Variants in C9orf85 observed in about 807,000 individuals in gnomAD.
The protein encoded by C9orf85 is chromosome 9 open reading frame 85.
Under a neutral mutation model 14.9 loss-of-function variants are expected in C9orf85, and 16 were observed. The ratio of observed to expected loss-of-function variants is 1.08; its 90% CI spans 0.73 to 1.63. C9orf85 has a LOEUF of 1.63. Ranked by LOEUF, C9orf85 falls within the 40% of genes most tolerant of loss-of-function variation. The pLI is 0.00. For synonymous variants in C9orf85, 45 were observed against 56.8 expected (o/e 0.79, Z 0.93); for missense variants, 172 against 186.1 (o/e 0.92, Z 0.44).
rs181691900 is a variant in C9orf85 at position 71,951,404 on chromosome 9, A to G, written c.209+4292A>G. On this transcript the variant is annotated intron_variant, in intron 2 of 3. Coordinates refer to ENST00000334731, the MANE Select transcript of C9orf85 (RefSeq NM_182505.5). ...ATGAGATAAATATCTCTGACTACTC[A>G]AAGCTTTAGGTCTTTATAGGAATAA... 1.6e-3 allele frequency among the ~76,000 whole-genome samples: 246 copies of G among 152,332 alleles called. 2 individuals carry two copies. The highest frequency in any genetic ancestry group is 3.4e-3 in the Middle Eastern group (1 of 294).
chr9:71,966,641 C>T (rs1423600951), intron 2 of C9orf85, among the ~76,000 whole-genome samples: 2 of 151,908 alleles, frequency 1.3e-5, no homozygotes, highest in Admixed American at 1.3e-4. Context: ...AACGCAAAGG[C>T]AAGATGGTTA....
chr9:71,933,066 A>G (rs1417483996), intron 1 of C9orf85, among the ~76,000 whole-genome samples: 1 of 152,218 alleles, frequency 6.6e-6, no homozygotes, highest in African/African-American at 2.4e-5. Flanking sequence ...GAAATTGTCA[A>G]GTATGAGAAA....
intron 1 of C9orf85, among the ~76,000 whole-genome samples, chr9:71,912,371 A>G (rs750680414): frequency 6.6e-6 from 1 of 152,182 alleles, no homozygotes; most frequent in Non-Finnish European, 1.5e-5. Context: ...TTTGCTGTTT[A>G]TCTTTAGCAG....
At chr9:71,976,584 C>T (rs1470720405), downstream of C9orf85, among the ~76,000 whole-genome samples, 1 of 151,806 alleles carries the variant, frequency 6.6e-6, no homozygotes, top group Non-Finnish European at 1.5e-5. Context: ...ATGGCATGAA[C>T]CCGGGAGGCG....
At chr9:71,953,304 T>G (rs1033067513) in intron 2 of C9orf85, among the ~76,000 whole-genome samples, 1 of 152,164 alleles carries the variant, frequency 6.6e-6, no homozygotes, top group Admixed American at 6.5e-5. Context: ...AATTCTTTAA[T>G]AAAACGCTTA....
At chr9:71,917,459 G>C (rs1276091641) in intron 1 of C9orf85, among the ~76,000 whole-genome samples, 3 of 152,200 alleles carry the variant, frequency 2.0e-5, no homozygotes, top group Non-Finnish European at 4.4e-5. Context: ...TCAAGTTTAA[G>C]ATTAGTTATG....
chr9:71,968,607 T>G (rs539864417), intron 2 of C9orf85, among the ~76,000 whole-genome samples: 80 of 152,360 alleles, frequency 5.3e-4, no homozygotes, highest in Admixed American at 4.1e-3. Flanking sequence ...CCCATTATTC[T>G]TTGTTTTTTG....
chr9:71,970,389 G>A (rs779888124), intron 2 of C9orf85, among the ~76,000 whole-genome samples: 6 of 152,108 alleles, frequency 3.9e-5, no homozygotes, highest in South Asian at 2.1e-4. Context: ...GGCTGATAAC[G>A]TTCATACAGA....
intron 1 of C9orf85, among the ~76,000 whole-genome samples, chr9:71,933,499 T>G (rs1028400562): frequency 3.9e-5 from 6 of 152,236 alleles, no homozygotes; most frequent in African/African-American, 1.4e-4. Context: ...GCACAATTTG[T>G]TTTTTCTAAG....
intron 2 of C9orf85, among the ~76,000 whole-genome samples, chr9:71,962,847 G>C (rs1471440021): frequency 6.6e-6 from 1 of 152,166 alleles, no homozygotes; most frequent in Admixed American, 6.5e-5. Context: ...CTTGAGGTCA[G>C]GAGTTCGAGA....
At chr9:71,953,214 A>G (rs1391121852) in intron 2 of C9orf85, among the ~76,000 whole-genome samples, 2 of 152,188 alleles carry the variant, frequency 1.3e-5, no homozygotes, top group African/African-American at 2.4e-5. Context: ...CTCTGTACCG[A>G]ATAGATAGAT....
intron 2 of C9orf85, among the ~76,000 whole-genome samples, chr9:71,950,875 AT>A (rs1054105925): frequency 5.2e-4 from 79 of 152,316 alleles, no homozygotes; most frequent in African/African-American, 1.9e-3. Context: ...AAGTAATAAT[AT>A]CCTGGATATT....
chr9:71,954,544 G>C (rs1822335632), intron 2 of C9orf85, among the ~76,000 whole-genome samples: 1 of 152,130 alleles, frequency 6.6e-6, no homozygotes, highest in Non-Finnish European at 1.5e-5. Flanking sequence ...GCTAAACAAG[G>C]GGTGGATTAT....
chr9:71,916,280 T>C (rs1405446098), intron 1 of C9orf85, among the ~76,000 whole-genome samples: 1 of 152,162 alleles, frequency 6.6e-6, no homozygotes, highest in African/African-American at 2.4e-5. Flanking sequence ...GAGGATGCTA[T>C]TAATAATATA....
chr9:71,943,730 G>A (rs1212832412), intron 1 of C9orf85, among the ~76,000 whole-genome samples: 3 of 151,536 alleles, frequency 2.0e-5, no homozygotes, highest in Non-Finnish European at 2.9e-5. Flanking sequence ...TAGTAGAGAC[G>A]GGGTTTCTCC....
intron 1 of C9orf85, among the ~76,000 whole-genome samples, chr9:71,933,012 A>AGCCTTTGAATCTTCT (rs1367200028): frequency 6.6e-6 from 1 of 152,200 alleles, no homozygotes; most frequent in African/African-American, 2.4e-5. Flanking sequence ...GGCATTTTTG[A>AGCCTTTGAATCTTCT]GCAGCCAGAA....
chr9:71,965,017 T>C lies in C9orf85; in HGVS notation c.210-6488T>C, dbSNP rs1589270034. 2.0e-5 allele frequency among the ~76,000 whole-genome samples: 3 copies of C among 152,170 alleles called. No individual in the cohort carries two copies. The Middle Eastern group carries it at 0.01, about 518-fold the overall frequency. ...CCTACCGGATCCAGAGGGATGGAAGTCAGTGGTGGGTCTGCGACGGCAGCA... is the reference window on the plus strand; with the variant it reads ...CCTACCGGATCCAGAGGGATGGAAGCCAGTGGTGGGTCTGCGACGGCAGCA... On this transcript the variant is annotated intron_variant, in intron 2 of 3. Transcript: ENST00000334731.
chr9:71,933,468 A>G (rs1386820859), intron 1 of C9orf85, among the ~76,000 whole-genome samples: 1 of 152,212 alleles, frequency 6.6e-6, no homozygotes, highest in Non-Finnish European at 1.5e-5. Context: ...TGTTCTTACC[A>G]TAGATCTTAG....
At chr9:71,949,001 GAA>G (rs1359334260) in intron 2 of C9orf85, among the ~76,000 whole-genome samples, 1 of 152,218 alleles carries the variant, frequency 6.6e-6, no homozygotes, top group Non-Finnish European at 1.5e-5. Context: ...TTCCATGAAT[GAA>G]TTGTGTTCTC....
Sources: allele counts gnomAD v4.1 joint callset (sites outside exome capture counted in the v4.1 genomes callset), GRCh38; gene constraint gnomAD v4.1.1; transcripts MANE v1.5; gene names NCBI Gene and HGNC (gene_info 2026-07-23, HGNC 2026-07-21).